The following FMN2 variants were observed in gnomAD, a reference collection of about 807,000 sequenced individuals.
FMN2 encodes formin 2, also known as formin-2.
Under a neutral mutation model 142.3 loss-of-function variants are expected in FMN2, and 51 were observed. That is an observed-to-expected ratio of 0.36 (90% CI 0.29 to 0.45). FMN2 has a LOEUF of 0.45. FMN2 is among the 20% of genes least tolerant of loss of function. The probability of loss-of-function intolerance (pLI) is 1.00; values close to 1 mark genes in which losing one functional copy is unlikely to be tolerated. For synonymous variants in FMN2, 882 were observed against 869.8 expected, an observed-to-expected ratio of 1.01 and a Z score of -0.25; for missense variants, 1,936 against 2,122.8, an observed-to-expected ratio of 0.91 and a Z score of 1.73.
chr1:240,123,150 C>G (rs375408943), intron 1 of FMN2, 29 bp from the exon 2 acceptor site: 31 of 1,612,366 alleles, frequency 1.9e-5, no homozygotes, highest in Non-Finnish European at 2.5e-5. Flanking sequence ...CGGCAGTGCT[C>G]GCTCTTAATG....
At chr1:240,148,044 C>T (rs1375017802) in intron 2 of FMN2, among the ~76,000 whole-genome samples, 1 of 152,202 alleles carries the variant, frequency 6.6e-6, no homozygotes, top group Non-Finnish European at 1.5e-5. Flanking sequence ...CAGCTCTGCT[C>T]ATGAGAGATG....
intron 14 of FMN2, among the ~76,000 whole-genome samples, chr1:240,376,950 C>G (rs1572246185): frequency 1.3e-5 from 2 of 152,268 alleles, no homozygotes; most frequent in East Asian, 3.9e-4. Context: ...CAACAGTATA[C>G]TGTCATTCTC....
intron 6 of FMN2, among the ~76,000 whole-genome samples, chr1:240,235,608 A>G (rs76754149): frequency 0.011 from 1,692 of 151,956 alleles, 34 homozygotes; most frequent in African/African-American, 0.039. Context: ...TTTTTTAGAA[A>G]TGGGTTCTCA....
intron 6 of FMN2, among the ~76,000 whole-genome samples, chr1:240,235,438 G>T (rs981575573): frequency 6.6e-6 from 1 of 151,132 alleles, no homozygotes; most frequent in Non-Finnish European, 1.5e-5. Context: ...AGAGATGAGG[G>T]TCTCTCTCTG....
intron 6 of FMN2, among the ~76,000 whole-genome samples, chr1:240,219,041 A>G (rs1328469375): frequency 1.3e-5 from 2 of 152,256 alleles, no homozygotes; most frequent in Middle Eastern, 3.4e-3. Flanking sequence ...AGAGAGGATT[A>G]AGGGATGATT....
chr1:240,303,635 T>C (rs1195656738), intron 8 of FMN2, among the ~76,000 whole-genome samples: 1 of 152,196 alleles, frequency 6.6e-6, no homozygotes, highest in Non-Finnish European at 1.5e-5. Context: ...TGTATCTCGA[T>C]GTAGGGCTCT....
chr1:240,130,533 A>C (rs1662693886), intron 2 of FMN2, among the ~76,000 whole-genome samples: 1 of 152,084 alleles, frequency 6.6e-6, no homozygotes, highest in Non-Finnish European at 1.5e-5. Flanking sequence ...CTTACTCGTG[A>C]CCTCAAGAGA....
intron 16 of FMN2, among the ~76,000 whole-genome samples, chr1:240,459,717 T>TCAAAAAAAAAAAAAAAAAAA (rs1471697427): frequency 1.5e-5 from 1 of 67,130 alleles, no homozygotes; most frequent in Non-Finnish European, 3.0e-5. Context: ...ACTCTGTCTC[T>TCAAAAAAAAAAAAAAAAAAA]AAAAAAAAAA....
At chr1:240,271,854 T>A (rs189886676) in intron 7 of FMN2, among the ~76,000 whole-genome samples, 7 of 152,266 alleles carry the variant, frequency 4.6e-5, no homozygotes, top group Admixed American at 1.3e-4. Context: ...AAATCACACA[T>A]AAATTATTAG....
chr1:240,177,917 A>T lies in FMN2; in HGVS notation c.1783-4A>T. 1 of 1,550,974 alleles carries T rather than the reference A, an allele frequency of 6.4e-7. No individual in the cohort carries two copies. ...ATTTCAACATTTTTTATTTTTAAAT[A>T]TAGCAAGATCAACTTTATACCTGGG... On this transcript the variant is annotated splice_region_variant and splice_polypyrimidine_tract_variant and intron_variant, in intron 2 of 17. Coordinates refer to ENST00000319653, the MANE Select transcript of FMN2 (RefSeq NM_020066.5).
At position 240,197,825 on chromosome 1, in the gene FMN2, C is replaced by T. The variant is rs577653202; in HGVS notation, c.1987-8974C>T. 8.9e-5 allele frequency among the ~76,000 whole-genome samples: 13 copies of T among 145,272 alleles called. No homozygotes were observed. In the South Asian group the frequency reaches 1.2e-3, roughly 14 times the overall value. ...CTGGGATTACAGGTATGCACCACCACGCCTGGCTAATTTTTGTATTATTAG... is the reference window on the plus strand; with the variant it reads ...CTGGGATTACAGGTATGCACCACCATGCCTGGCTAATTTTTGTATTATTAG... On this transcript the variant is annotated intron_variant, in intron 4 of 17. Transcript: ENST00000319653.
At chr1:240,278,459 A>T (rs75014338) in intron 7 of FMN2, among the ~76,000 whole-genome samples, 139 of 152,300 alleles carry the variant, frequency 9.1e-4, no homozygotes, top group Non-Finnish European at 1.8e-3. Flanking sequence ...TTCTGTGCCA[A>T]AGAGGAATTT....
At chr1:240,368,709 A>G (rs1215503181) in intron 14 of FMN2, among the ~76,000 whole-genome samples, 1 of 152,060 alleles carries the variant, frequency 6.6e-6, no homozygotes, top group African/African-American at 2.4e-5. Flanking sequence ...TACCTTTAGT[A>G]TAATATGGAC....
chr1:240,171,793 A>G (rs1034192450), intron 2 of FMN2, among the ~76,000 whole-genome samples: 1 of 152,212 alleles, frequency 6.6e-6, no homozygotes, highest in Non-Finnish European at 1.5e-5. Context: ...AATAGCTGCT[A>G]AAAGTAACTT....
At chr1:240,279,145 G>A (rs948196839) in intron 7 of FMN2, among the ~76,000 whole-genome samples, 3 of 152,110 alleles carry the variant, frequency 2.0e-5, no homozygotes, top group African/African-American at 7.2e-5. Flanking sequence ...CCAACCAATG[G>A]TTTCCATGCA....
At chr1:240,125,259 A>G (rs1352047688) in intron 2 of FMN2, among the ~76,000 whole-genome samples, 5 of 152,316 alleles carry the variant, frequency 3.3e-5, no homozygotes, top group Middle Eastern at 3.4e-3. Flanking sequence ...GATGCTTCCC[A>G]TTTGAAAGAA....
At chr1:240,411,348 G>A (rs528089017) in intron 15 of FMN2, among the ~76,000 whole-genome samples, 139 of 152,202 alleles carry the variant, frequency 9.1e-4, no homozygotes, top group African/African-American at 3.1e-3. Flanking sequence ...TGAGACAGGC[G>A]GATCACGAGG....
intron 15 of FMN2, among the ~76,000 whole-genome samples, chr1:240,393,102 A>G (rs1302241358): frequency 6.6e-6 from 1 of 151,602 alleles, no homozygotes; most frequent in Non-Finnish European, 1.5e-5. Flanking sequence ...CGATACAGAT[A>G]TAAACACACA....
intron 2 of FMN2, among the ~76,000 whole-genome samples, chr1:240,149,805 G>A (rs971828982): frequency 5.9e-5 from 9 of 152,158 alleles, no homozygotes; most frequent in Admixed American, 5.9e-4. Context: ...AAGATTAATT[G>A]TAATAGCTTT....
Sources: allele counts gnomAD v4.1 joint callset (sites outside exome capture counted in the v4.1 genomes callset), GRCh38; gene constraint gnomAD v4.1.1; transcripts MANE v1.5; gene names NCBI Gene and HGNC (gene_info 2026-07-23, HGNC 2026-07-21).